The following BOD1L1 variants were observed in gnomAD, a reference collection of about 807,000 sequenced individuals.
BOD1L1 encodes biorientation of chromosomes in cell division protein 1-like 1.
In BOD1L1, 86 loss-of-function variants were observed where a neutral mutation model predicts 240.7. The observed-to-expected ratio is 0.36, with a 90% CI of 0.30 to 0.43. The LOEUF (loss-of-function observed/expected upper bound fraction) is 0.43. Ranked by LOEUF, BOD1L1 falls within the 20% of genes least tolerant of loss-of-function variation. BOD1L1 has a pLI of 1.00. For synonymous variants in BOD1L1, 1,268 were observed against 1,272.3 expected (o/e 1.00, Z 0.07); for missense variants, 3,554 against 3,643.5 (o/e 0.98, Z 0.63).
Position 13,602,318 on chromosome 4 carries a change from C to G in BOD1L1, c.4582G>C (p.Val1528Leu). 6.2e-7 allele frequency: 1 copy of G among 1,613,932 alleles called. No individual in the cohort carries two copies. The highest frequency in any genetic ancestry group is 8.5e-7 in the Non-Finnish European group (1 of 1,179,872). ...ATSTEGKDKDVTLSPVKAGPA... is the reference protein window; with the variant it reads ...ATSTEGKDKDLTLSPVKAGPA... Reference sequence around the variant, plus strand: ...CCAGCCTTCACTGGACTTAAGGTGACATCTTTGTCCTTCCCTTCAGTACTA... The same window carrying G: ...CCAGCCTTCACTGGACTTAAGGTGAGATCTTTGTCCTTCCCTTCAGTACTA... Residue 1528 changes from valine (V) to leucine (L), a missense_variant, in exon 10 of 26, where the codon GTC (valine) becomes CTC (leucine). By Grantham distance (32) the Val-to-Leu change is conservative (BLOSUM62 1). Coordinates refer to ENST00000040738, the MANE Select transcript of BOD1L1 (RefSeq NM_148894.3).
intron 25 of BOD1L1, among the ~76,000 whole-genome samples, chr4:13,575,886 TGCCAAACCC>T (rs1189932057): frequency 6.6e-6 from 1 of 150,660 alleles, no homozygotes; most frequent in African/African-American, 2.4e-5. Context: ...TTTAGGAGTT[TGCCAAACCC>T]TTTTTTTTTT....
intron 22 of BOD1L1, chr4:13,577,902 A>G: frequency 3.3e-6 from 1 of 301,458 alleles, no homozygotes; most frequent in Non-Finnish European, 6.1e-6. Context: ...GTTGGATTAG[A>G]CTACTTTTTT....
At chr4:13,581,440 G>A (rs1713225143) in intron 19 of BOD1L1, among the ~76,000 whole-genome samples, 1 of 152,096 alleles carries the variant, frequency 6.6e-6, no homozygotes, top group Admixed American at 6.5e-5. Flanking sequence ...GAGCCATGAG[G>A]ATTTTGAGAC....
At chr4:13,570,881 G>A (rs886803615) in intron 25 of BOD1L1, among the ~76,000 whole-genome samples, 10 of 152,088 alleles carry the variant, frequency 6.6e-5, no homozygotes, top group Non-Finnish European at 1.2e-4. Context: ...ACAGAGAAAT[G>A]TGACTTTATT....
intron 13 of BOD1L1, 119 bp from the exon 14 acceptor site, chr4:13,590,565 T>A (rs1560189261): frequency 4.1e-6 from 2 of 487,420 alleles, no homozygotes; most frequent in Non-Finnish European, 7.4e-6. Flanking sequence ...CAAAAGGAAT[T>A]GGGGTACATA....
chr4:13,609,993 T>G (rs1168024901), intron 6 of BOD1L1, among the ~76,000 whole-genome samples: 1 of 152,184 alleles, frequency 6.6e-6, no homozygotes, highest in Non-Finnish European at 1.5e-5. Context: ...CCTAAGCAGG[T>G]GCATAACTTC....
intron 6 of BOD1L1, 28 bp from the exon 7 acceptor site, chr4:13,609,434 T>C: frequency 7.2e-6 from 10 of 1,397,446 alleles, no homozygotes; most frequent in Non-Finnish European, 9.5e-6. Flanking sequence ...CCTAACAGAT[T>C]ATTAGGCAAA....
At position 13,600,587 on chromosome 4, in the gene BOD1L1, T is replaced by C. The variant is rs571593458; in HGVS notation, c.6313A>G (p.Met2105Val). ...LSDALRTEEN[M>V]EGTRVTTEEF... Reference sequence around the variant, plus strand: ...TCTGTGGTTACTCTGGTACCTTCCATATTTTCTTCAGTTCTCAGAGCATCT... The same window carrying C: ...TCTGTGGTTACTCTGGTACCTTCCACATTTTCTTCAGTTCTCAGAGCATCT... The change falls in exon 10 of 26, where the codon ATG becomes GTG. Residue 2105 changes from methionine (M) to valine (V), a missense_variant. By Grantham distance (21) the Met-to-Val change is conservative. Around this residue, in one of 2 missense-constraint regions of BOD1L1, gnomAD observed 3,393 missense variants for 3,427.1 expected, o/e 0.99. Coordinates refer to ENST00000040738, the MANE Select transcript of BOD1L1 (RefSeq NM_148894.3). 73 of 1,613,938 alleles carry C rather than the reference T, an allele frequency of 4.5e-5. No individual in the cohort carries two copies. The highest frequency in any genetic ancestry group is 3.7e-4 in the Admixed American group (22 of 60,024).
chr4:13,572,790 C>G, intron 25 of BOD1L1: 1 of 1,289,752 alleles, frequency 7.8e-7, no homozygotes, highest in Non-Finnish European at 1.0e-6. Flanking sequence ...GAAACTGTGT[C>G]TGGGCTGCCA....
Position 13,571,189 on chromosome 4 carries a change from C to A in BOD1L1, c.9039-1061G>T, listed in dbSNP as rs140315679. ...CATTAGACACGATGATTCTCTAGGG[C>A]AGCTGCTGAGATTTATTCATTTTTC... On this transcript the variant is annotated intron_variant, in intron 25 of 25. Transcript: ENST00000040738. Among the ~76,000 whole-genome samples the A allele has an allele frequency of 4.6e-3, 706 of 152,280 alleles. 6 individuals are homozygous for A. Among genetic ancestry groups the A allele is most frequent in the African/African-American group, 0.016 (668 of 41,542 alleles).
chr4:13,610,110 A>C (rs1716039670), intron 6 of BOD1L1, among the ~76,000 whole-genome samples: 1 of 152,186 alleles, frequency 6.6e-6, no homozygotes, highest in Admixed American at 6.5e-5. Flanking sequence ...ATATTTCCTG[A>C]TTCTGAACTT....
chr4:13,608,356 G>A (rs1394928527), intron 8 of BOD1L1, among the ~76,000 whole-genome samples, 174 bp downstream of exon 8: 2 of 152,146 alleles, frequency 1.3e-5, no homozygotes, highest in Non-Finnish European at 1.5e-5. Context: ...ACACTACTTA[G>A]AAATGTTATA....
intron 22 of BOD1L1, chr4:13,577,868 G>T: frequency 3.3e-5 from 11 of 330,392 alleles, no homozygotes; most frequent in South Asian, 2.3e-4. Context: ...CTGACCCTCA[G>T]TTTTTTCAGC....
Position 13,582,314 on chromosome 4 carries a change from T to C in BOD1L1, c.8519-4A>G. ...GTTTCACTGCTGCTATATTCATCTG[T>C]AGAAAAGGAAGAACTTTGTTCAATG... On this transcript the variant is annotated splice_region_variant and splice_polypyrimidine_tract_variant and intron_variant, in intron 18 of 25. Coordinates refer to ENST00000040738, the MANE Select transcript of BOD1L1 (RefSeq NM_148894.3). 2 of 1,611,830 alleles carry C rather than the reference T, an allele frequency of 1.2e-6. No individual in the cohort carries two copies. The highest frequency in any genetic ancestry group is 8.5e-7 in the Non-Finnish European group (1 of 1,178,728).
intron 13 of BOD1L1, among the ~76,000 whole-genome samples, chr4:13,591,702 A>G (rs1714233013): frequency 6.6e-6 from 1 of 152,190 alleles, no homozygotes; most frequent in Non-Finnish European, 1.5e-5. Flanking sequence ...TAGAAAGTTC[A>G]AAGTTCTTTA....
In BOD1L1 at chr4:13,589,903, C is replaced by G. The variant is rs1206710203; in HGVS notation, c.8209+483G>C. Among the ~76,000 whole-genome samples, 3 of 152,282 alleles carry G rather than the reference C, an allele frequency of 2.0e-5. No homozygotes were observed. In the East Asian group the frequency reaches 5.8e-4, roughly 29 times the overall value. On this transcript the variant is annotated intron_variant, in intron 14 of 25. Transcript: ENST00000040738. ...AAAATTAGTAGGCATCAAGAAAATT[C>G]TATGTTCTGTTTGAGAAGGGAATTT...
Position 13,601,714 on chromosome 4 carries a change from C to T in BOD1L1, c.5186G>A (p.Cys1729Tyr). The T allele has an allele frequency of 1.9e-6, 3 of 1,614,028 alleles. No individual in the cohort carries two copies. Among genetic ancestry groups the T allele is most frequent in the Non-Finnish European group, 2.5e-6 (3 of 1,179,892 alleles). ...PKKETEGTVT[C>Y]TGAEGRSDNF... ...ATCACTTCTGCCTTCTGCTCCTGTA[C>T]ATGTCACAGTGCCCTCTGTTTCTTT... is the stretch of plus-strand genomic sequence containing the variant. The change falls in exon 10 of 26, where the codon TGT becomes TAT. Residue 1729 changes from cysteine (C) to tyrosine (Y), a missense_variant. Physicochemically the swap from Cys to Tyr is radical, Grantham distance 194. This residue lies in a region of BOD1L1 where 3,393 missense variants were observed against 3,427.1 expected (regional missense o/e 0.99). Coordinates refer to ENST00000040738, the MANE Select transcript of BOD1L1 (RefSeq NM_148894.3).
intron 9 of BOD1L1, 36 bp from the exon 10 acceptor site, chr4:13,605,120 C>A: frequency 7.0e-7 from 1 of 1,431,186 alleles, no homozygotes; most frequent in South Asian, 1.5e-5. Flanking sequence ...TGAGAAATAC[C>A]AAAATCAATT....
intron 17 of BOD1L1, among the ~76,000 whole-genome samples, chr4:13,583,807 T>C (rs1426386553): frequency 5.3e-5 from 8 of 152,206 alleles, no homozygotes; most frequent in Admixed American, 5.2e-4. Context: ...AGTGTCGGTA[T>C]TGGGAGGGTC....
Sources: gnomAD v4.1 joint callset for allele counts (sites outside exome capture counted in the v4.1 genomes callset) on GRCh38, gnomAD v4.1.1 for gene constraint, gnomAD v4.1.1 regional missense constraint, MANE v1.5 for transcripts, NCBI Gene and HGNC (gene_info 2026-07-23, HGNC 2026-07-21) for gene names.